The following TNFRSF19 variants were observed in gnomAD, a reference collection of about 807,000 sequenced individuals.
TNFRSF19 encodes the protein tumor necrosis factor receptor superfamily member 19.
Under a neutral mutation model 46.4 loss-of-function variants are expected in TNFRSF19, and 27 were observed. The observed-to-expected ratio is 0.58, with a 90% CI of 0.43 to 0.80. The LOEUF (loss-of-function observed/expected upper bound fraction) is 0.80, where lower values mean the gene tolerates loss of function less well. TNFRSF19 is among the 30% of genes least tolerant of loss of function. The pLI is 0.00. For missense variants in TNFRSF19, 511 were observed against 530.8 expected, an observed-to-expected ratio of 0.96 and a Z score of 0.37; for synonymous variants, 204 against 205.0, an observed-to-expected ratio of 1.00 and a Z score of 0.04.
At chr13:23,590,627 C>G (rs1387924081) in intron 2 of TNFRSF19, among the ~76,000 whole-genome samples, 1 of 152,078 alleles carries the variant, frequency 6.6e-6, no homozygotes, top group Non-Finnish European at 1.5e-5. Flanking sequence ...GAGCCACCAC[C>G]CCCAGCCCAA....
chr13:23,584,189 A>G, intron 1 of TNFRSF19, among the ~76,000 whole-genome samples: 1 of 152,070 alleles, frequency 6.6e-6, no homozygotes, highest in Non-Finnish European at 1.5e-5. Flanking sequence ...AGCAGTATAC[A>G]CTGAACCCGA....
chr13:23,584,630 A>T (rs1468145598), intron 1 of TNFRSF19, among the ~76,000 whole-genome samples: 1 of 128,154 alleles, frequency 7.8e-6, no homozygotes, highest in Non-Finnish European at 1.8e-5. Context: ...TTTTATTTAA[A>T]AAAAAAAAAA....
At chr13:23,578,003 G>A (rs534097841) in intron 1 of TNFRSF19, among the ~76,000 whole-genome samples, 1 of 152,240 alleles carries the variant, frequency 6.6e-6, no homozygotes, top group East Asian at 1.9e-4. Flanking sequence ...GGACGATGGG[G>A]GACTGCGTGA....
chr13:23,615,267 A>G (rs1881192973), intron 3 of TNFRSF19, among the ~76,000 whole-genome samples: 1 of 152,220 alleles, frequency 6.6e-6, no homozygotes, highest in Non-Finnish European at 1.5e-5. Flanking sequence ...AATCTAGAGA[A>G]GCTTGAGACC....
chr13:23,611,128 A>G (rs550794416), intron 3 of TNFRSF19, among the ~76,000 whole-genome samples: 32 of 122,842 alleles, frequency 2.6e-4, no homozygotes, highest in Admixed American at 4.7e-4. Context: ...ACACATGTGC[A>G]CACACACACA....
intron 1 of TNFRSF19, among the ~76,000 whole-genome samples, chr13:23,583,598 T>C (rs757869188): frequency 6.6e-6 from 1 of 152,146 alleles, no homozygotes; most frequent in Non-Finnish European, 1.5e-5. Context: ...CAAAGGAACT[T>C]GTGTGTCTGA....
At chr13:23,648,299 G>A (rs897652499) in intron 5 of TNFRSF19, among the ~76,000 whole-genome samples, 1 of 151,968 alleles carries the variant, frequency 6.6e-6, no homozygotes, top group African/African-American at 2.4e-5. Context: ...TACAAGTCTT[G>A]TACCTCCTTT....
chr13:23,630,398 C>G (rs774560458), intron 5 of TNFRSF19, among the ~76,000 whole-genome samples: 4 of 151,866 alleles, frequency 2.6e-5, no homozygotes, highest in Non-Finnish European at 5.9e-5. Context: ...AGGCCAGTCT[C>G]TCCCCTCTCT....
intron 3 of TNFRSF19, among the ~76,000 whole-genome samples, chr13:23,596,424 CA>C (rs35394038): frequency 6.6e-6 from 1 of 150,956 alleles, no homozygotes; most frequent in African/African-American, 2.4e-5. Context: ...AAATGGAAAG[CA>C]AAAAAAAGCA....
chr13:23,590,059 T>C, intron 1 of TNFRSF19, 91 bp from the exon 2 acceptor site: 1 of 558,314 alleles, frequency 1.8e-6, no homozygotes, highest in Non-Finnish European at 3.2e-6. Context: ...TATTACCTAG[T>C]CTATATAGTA....
At chr13:23,651,840 C>CTTTTTTTTTTTTTTT (rs71070609) in intron 5 of TNFRSF19, among the ~76,000 whole-genome samples, 1 of 35,994 alleles carries the variant, frequency 2.8e-5, no homozygotes. Flanking sequence ...ACACTATAGT[C>CTTTTTTTTTTTTTTT]TTTTTTTTTT....
At chr13:23,591,701 A>C (rs796068534) in intron 2 of TNFRSF19, among the ~76,000 whole-genome samples, 112 of 126,798 alleles carry the variant, frequency 8.8e-4, no homozygotes, top group African/African-American at 3.6e-3. Context: ...GAATCTTTAT[A>C]GCCTTAAAAA....
At chr13:23,589,631 C>A (rs1003925216) in intron 1 of TNFRSF19, among the ~76,000 whole-genome samples, 13 of 152,192 alleles carry the variant, frequency 8.5e-5, no homozygotes, top group Non-Finnish European at 1.8e-4. Flanking sequence ...GGTTACTTAG[C>A]CCTCTCTGAG....
intron 2 of TNFRSF19, among the ~76,000 whole-genome samples, chr13:23,593,072 G>A (rs563788640): frequency 6.6e-6 from 1 of 151,942 alleles, no homozygotes; most frequent in African/African-American, 2.4e-5. Context: ...TATCTGAGGA[G>A]GATAGCAGTT....
Position 23,583,082 on chromosome 13 carries a change from C to G in TNFRSF19, c.-34-7068C>G, listed in dbSNP as rs75815014. ...TTCCAAAATATTGGGAGAAGAATAT[C>G]TAGGTGTTATTAAAGGTGTGTGCTT... On this transcript the variant is annotated intron_variant, in intron 1 of 9. Coordinates refer to ENST00000248484, the MANE Select transcript of TNFRSF19 (RefSeq NM_148957.4). 1.1e-3 allele frequency among the ~76,000 whole-genome samples: 173 copies of G among 152,258 alleles called. 1 individual carries two copies. The highest frequency in any genetic ancestry group is 3.8e-3 in the African/African-American group (158 of 41,550).
chr13:23,615,357 A>G (rs1327283050), intron 3 of TNFRSF19, among the ~76,000 whole-genome samples: 2 of 152,216 alleles, frequency 1.3e-5, no homozygotes, highest in African/African-American at 4.8e-5. Flanking sequence ...CTCTCAGGAA[A>G]TACTAAATTG....
At chr13:23,641,861 G>A (rs114288010) in intron 5 of TNFRSF19, among the ~76,000 whole-genome samples, 58 of 152,288 alleles carry the variant, frequency 3.8e-4, no homozygotes, top group African/African-American at 1.3e-3. Flanking sequence ...GTGTTAGTAC[G>A]CCTAATCTAA....
chr13:23,639,844 G>A (rs1367536880), intron 5 of TNFRSF19, among the ~76,000 whole-genome samples: 1 of 152,202 alleles, frequency 6.6e-6, no homozygotes, highest in Non-Finnish European at 1.5e-5. Flanking sequence ...GGATTTGAAA[G>A]GATATGCTAA....
chr13:23,624,519 C>A (rs573668258), intron 4 of TNFRSF19, among the ~76,000 whole-genome samples: 5 of 152,016 alleles, frequency 3.3e-5, no homozygotes, highest in Non-Finnish European at 7.4e-5. Flanking sequence ...AATTTTGCTT[C>A]TACCATAAAT....
Sources: gnomAD v4.1 joint callset for allele counts (sites outside exome capture counted in the v4.1 genomes callset) on GRCh38, gnomAD v4.1.1 for gene constraint, MANE v1.5 for transcripts, NCBI Gene and HGNC (gene_info 2026-07-23, HGNC 2026-07-21) for gene names.